Variants in EDIL3 observed in about 807,000 individuals in gnomAD.
The protein encoded by EDIL3 is EGF-like repeat and discoidin I-like domain-containing protein 3.
Under a neutral mutation model 67.4 loss-of-function variants are expected in EDIL3, and 37 were observed. That is an observed-to-expected ratio of 0.55 (90% CI 0.42 to 0.72). EDIL3 has a LOEUF of 0.72. Among genes scored for constraint, EDIL3 ranks in the 30% least tolerant of loss-of-function variants. The pLI is 0.00. For missense variants in EDIL3, 527 were observed against 586.3 expected (o/e 0.90, Z 1.04); for synonymous variants, 195 against 196.3 (o/e 0.99, Z 0.05).
chr5:83,976,323 T>C (rs1228715636), intron 9 of EDIL3, among the ~76,000 whole-genome samples: 2 of 151,820 alleles, frequency 1.3e-5, no homozygotes, highest in African/African-American at 4.8e-5. Context: ...CAAGACTAAT[T>C]CTGAAATAAC....
rs149687379 is a variant in EDIL3 at position 84,301,351 on chromosome 5, C to T, written c.68-47139G>A. Reference sequence around the variant, plus strand: ...TTAAAAAAAAAGTCAAATGCAAACTCCTGAAGCAAAATGAATTCAACTGCA... The same window carrying T: ...TTAAAAAAAAAGTCAAATGCAAACTTCTGAAGCAAAATGAATTCAACTGCA... On this transcript the variant is annotated intron_variant, in intron 1 of 10. Transcript: ENST00000296591. Among the ~76,000 whole-genome samples, 873 of 151,638 alleles carry T rather than the reference C, an allele frequency of 5.8e-3. 10 individuals carry two copies. The highest frequency in any genetic ancestry group is 0.02 in the African/African-American group (837 of 41,366).
intron 6 of EDIL3, among the ~76,000 whole-genome samples, chr5:84,082,256 T>C (rs1265986741): frequency 2.0e-5 from 3 of 152,236 alleles, no homozygotes; most frequent in Non-Finnish European, 4.4e-5. Flanking sequence ...CCTGGTATTT[T>C]AAATTCTGAC....
At position 84,319,352 on chromosome 5, in the gene EDIL3, T is replaced by C. The variant is rs1490921260; in HGVS notation, c.67+64956A>G. Reference sequence around the variant, plus strand: ...AGTGGCGGGCGCCTGTAGTCCCAGCTACTCGGGAGGCTGAGGCAGGAGAAT... The same window carrying C: ...AGTGGCGGGCGCCTGTAGTCCCAGCCACTCGGGAGGCTGAGGCAGGAGAAT... On this transcript the variant is annotated intron_variant, in intron 1 of 10. Coordinates refer to ENST00000296591, the MANE Select transcript of EDIL3 (RefSeq NM_005711.5). 2.7e-5 allele frequency among the ~76,000 whole-genome samples: 3 copies of C among 109,932 alleles called. 1 individual carries two copies. The highest frequency in any genetic ancestry group is 9.7e-5 in the African/African-American group (3 of 30,968). 72.1% of individuals were successfully genotyped at this position (109,932 alleles called of 152,430 possible).
chr5:84,015,808 C>T (rs535798677), intron 9 of EDIL3, among the ~76,000 whole-genome samples: 1 of 152,138 alleles, frequency 6.6e-6, no homozygotes, highest in Non-Finnish European at 1.5e-5. Flanking sequence ...ATAGCAGAAA[C>T]TCTCTTGAGA....
At chr5:84,081,763 A>C (rs1746973649) in intron 6 of EDIL3, among the ~76,000 whole-genome samples, 2 of 152,226 alleles carry the variant, frequency 1.3e-5, no homozygotes, top group Non-Finnish European at 2.9e-5. Flanking sequence ...AAAGAAAAAA[A>C]AACAGAAAAA....
chr5:84,265,430 C>T (rs2112089604), intron 1 of EDIL3, among the ~76,000 whole-genome samples: 1 of 152,258 alleles, frequency 6.6e-6, no homozygotes, highest in East Asian at 1.9e-4. Flanking sequence ...AAAAGTGGTA[C>T]TCTTTCAACT....
intron 4 of EDIL3, among the ~76,000 whole-genome samples, chr5:84,141,567 A>C (rs1300443344): frequency 6.7e-6 from 1 of 148,230 alleles, no homozygotes. Flanking sequence ...TGGTGGAAGA[A>C]GAAAGAAGAA....
At chr5:84,077,649 C>T (rs1012270913) in intron 6 of EDIL3, among the ~76,000 whole-genome samples, 3 of 152,044 alleles carry the variant, frequency 2.0e-5, no homozygotes, top group African/African-American at 7.2e-5. Flanking sequence ...CCCCATGATT[C>T]AATTACCTCC....
At chr5:84,236,082 A>G (rs1445749) in intron 2 of EDIL3, among the ~76,000 whole-genome samples, 122,826 of 151,958 alleles carry the variant, frequency 0.81, 50,037 homozygotes, top group East Asian at 0.95. Flanking sequence ...TTTTAACAGC[A>G]ATTACCAGTG....
At chr5:84,293,003 T>C (rs1252953563) in intron 1 of EDIL3, among the ~76,000 whole-genome samples, 1 of 152,204 alleles carries the variant, frequency 6.6e-6, no homozygotes, top group Non-Finnish European at 1.5e-5. Context: ...ATCTCCCTTA[T>C]AAGGTTATAC....
intron 10 of EDIL3, among the ~76,000 whole-genome samples, chr5:83,961,359 T>C (rs1414534775): frequency 6.6e-6 from 1 of 151,092 alleles, no homozygotes; most frequent in Non-Finnish European, 1.5e-5. Context: ...AGTAACTCTA[T>C]CAAACGACAC....
At chr5:84,039,363 A>T (rs1263505292) in intron 9 of EDIL3, among the ~76,000 whole-genome samples, 3 of 152,192 alleles carry the variant, frequency 2.0e-5, no homozygotes. Context: ...GATTCCCAGC[A>T]ATCCACTAAA....
At chr5:84,039,176 G>A (rs192889150) in intron 9 of EDIL3, among the ~76,000 whole-genome samples, 7 of 151,914 alleles carry the variant, frequency 4.6e-5, no homozygotes, top group Admixed American at 2.6e-4. Context: ...ATGCCATCCA[G>A]TGACAATTTC....
At chr5:84,346,613 G>A (rs1377319428) in intron 1 of EDIL3, among the ~76,000 whole-genome samples, 4 of 151,974 alleles carry the variant, frequency 2.6e-5, no homozygotes, top group African/African-American at 9.7e-5. Flanking sequence ...GTTAATAGAT[G>A]TTCCTTGGGG....
In EDIL3 at chr5:84,235,596, C is replaced by T. The variant is rs557971443; in HGVS notation, c.197-5712G>A. Reference sequence around the variant, plus strand: ...GCATTTTTTTGCTCACCATTACATCCGTAGTTTTCAAAACAGTGTCTGGAA... The same window carrying T: ...GCATTTTTTTGCTCACCATTACATCTGTAGTTTTCAAAACAGTGTCTGGAA... On this transcript the variant is annotated intron_variant, in intron 2 of 10. Transcript: ENST00000296591. 7.2e-5 allele frequency among the ~76,000 whole-genome samples: 11 copies of T among 152,032 alleles called. No individual in the cohort carries two copies. In the East Asian group the frequency reaches 1.4e-3, roughly 19 times the overall value.
At chr5:84,262,241 TG>T (rs1434605944) in intron 1 of EDIL3, among the ~76,000 whole-genome samples, 1 of 152,146 alleles carries the variant, frequency 6.6e-6, no homozygotes, top group Non-Finnish European at 1.5e-5. Context: ...TCAGAATCTC[TG>T]GGGATGGTTC....
At chr5:84,374,935 C>T (rs1230285291) in intron 1 of EDIL3, among the ~76,000 whole-genome samples, 1 of 151,606 alleles carries the variant, frequency 6.6e-6, no homozygotes, top group African/African-American at 2.4e-5. Context: ...ATTAAACCTC[C>T]TTCCTTTATA....
chr5:84,066,510 A>G lies in EDIL3; in HGVS notation c.748T>C (p.Tyr250His). ...GCCCAAGTCTTTCCATCATTACTGTAGGCAATTTTGTAGGATTTTATATAC... is the reference window on the plus strand; with the variant it reads ...GCCCAAGTCTTTCCATCATTACTGTGGGCAATTTTGTAGGATTTTATATAC... Reference protein sequence around the residue: ...PEYIKSYKIAYSNDGKTWAMY... With the variant: ...PEYIKSYKIAHSNDGKTWAMY... Residue 250 changes from tyrosine to histidine, a missense_variant, in exon 7 of 11, where the codon TAC (tyrosine) becomes CAC (histidine). Tyr to His is a moderately conservative substitution (Grantham distance 83, BLOSUM62 2). Coordinates refer to ENST00000296591, the MANE Select transcript of EDIL3 (RefSeq NM_005711.5). The G allele has an allele frequency of 6.2e-7, 1 of 1,613,414 alleles. No individual in the cohort carries two copies. Among genetic ancestry groups the G allele is most frequent in the Non-Finnish European group, 8.5e-7 (1 of 1,179,800 alleles).
chr5:84,235,080 G>A (rs928726630), intron 2 of EDIL3, among the ~76,000 whole-genome samples: 7 of 152,052 alleles, frequency 4.6e-5, no homozygotes, highest in African/African-American at 1.2e-4. Flanking sequence ...AGTTGCCTGC[G>A]GACGTATCCA....
Sources: gnomAD v4.1 joint callset for allele counts (sites outside exome capture counted in the v4.1 genomes callset) on GRCh38, gnomAD v4.1.1 for gene constraint, MANE v1.5 for transcripts, NCBI Gene and HGNC (gene_info 2026-07-23, HGNC 2026-07-21) for gene names.